CDS2: variants seen among roughly 807,000 people sequenced by gnomAD.
The protein encoded by CDS2 is phosphatidate cytidylyltransferase 2.
A neutral mutation model predicts 59.0 loss-of-function variants in CDS2; 47 were observed. The ratio of observed to expected loss-of-function variants is 0.80; its 90% CI spans 0.63 to 1.02. The LOEUF (loss-of-function observed/expected upper bound fraction) is 1.02. Among genes scored for constraint, CDS2 ranks in the 50% least tolerant of loss-of-function variants. CDS2 has a pLI of 0.00. For synonymous variants in CDS2, 207 were observed against 206.4 expected (o/e 1.00, Z -0.02); for missense variants, 356 against 558.9 (o/e 0.64, Z 3.66).
chr20:5,182,979 T>G, intron 6 of CDS2, 82 bp from the exon 7 acceptor site: 1 of 1,127,648 alleles, frequency 8.9e-7, no homozygotes, highest in Non-Finnish European at 1.3e-6. Context: ...TTCTCAGCAG[T>G]TTTCTATTTG....
intron 10 of CDS2, 27 bp downstream of exon 10, chr20:5,186,866 G>T (rs754123690): frequency 1.2e-6 from 2 of 1,612,906 alleles, no homozygotes; most frequent in Non-Finnish European, 1.7e-6. Flanking sequence ...GGGGGTGAGC[G>T]GCCTCCATGG....
intron 1 of CDS2, among the ~76,000 whole-genome samples, chr20:5,161,844 A>G (rs1042594177): frequency 3.3e-5 from 5 of 152,034 alleles, no homozygotes; most frequent in African/African-American, 7.3e-5. Context: ...TAACCACTCT[A>G]TTGGACGTAC....
At chr20:5,186,645 G>T in intron 9 of CDS2, 42 bp from the exon 10 acceptor site, 1 of 1,608,668 alleles carries the variant, frequency 6.2e-7, no homozygotes, top group South Asian at 1.1e-5. Flanking sequence ...CTGGATGGTT[G>T]GAACTTACTT....
intron 1 of CDS2, among the ~76,000 whole-genome samples, chr20:5,151,109 T>C (rs2090785716): frequency 6.6e-6 from 1 of 152,222 alleles, no homozygotes. Flanking sequence ...GGGAGGAATT[T>C]GTTGTGCAGC....
At chr20:5,186,565 A>T in intron 9 of CDS2, 122 bp from the exon 10 acceptor site, 1 of 851,066 alleles carries the variant, frequency 1.2e-6, no homozygotes, top group East Asian at 2.5e-5. Flanking sequence ...ACCTCTGAGC[A>T]CATAGCTCGC....
intron 1 of CDS2, among the ~76,000 whole-genome samples, chr20:5,127,450 C>T (rs2090563897): frequency 6.6e-6 from 1 of 152,210 alleles, no homozygotes; most frequent in South Asian, 2.1e-4. Flanking sequence ...GGGGACTCCC[C>T]TCTCCCCCAA....
rs372244723 is a variant in CDS2 at position 5,189,839 on chromosome 20, G to A, written c.1205+1G>A. 1 of 1,606,836 alleles carries A rather than the reference G, an allele frequency of 6.2e-7. No homozygotes were observed. Among genetic ancestry groups the A allele is most frequent in the Non-Finnish European group, 8.5e-7 (1 of 1,174,556 alleles). On this transcript the variant is annotated splice_donor_variant, in intron 12 of 12. Transcript: ENST00000460006. LOFTEE classifies it high-confidence loss of function. ...ATGTATACATCGCCAGTTTTATCAG[G>A]TATAGTACCTTTCCATCTGAACCAA...
intron 1 of CDS2, among the ~76,000 whole-genome samples, chr20:5,158,878 C>A (rs912941582): frequency 6.6e-6 from 1 of 152,134 alleles, no homozygotes; most frequent in African/African-American, 2.4e-5. Flanking sequence ...TCTGCTGATA[C>A]GTTAGGGGTT....
chr20:5,154,922 A>G (rs2038130716), intron 1 of CDS2, among the ~76,000 whole-genome samples: 1 of 152,256 alleles, frequency 6.6e-6, no homozygotes, highest in African/African-American at 2.4e-5. Context: ...TGCTGGGATT[A>G]CAGGCATGAG....
rs1318494861 is a variant in CDS2, at chr20:5,194,954, T to C, written c.*4720T>C. ...CAGAAAACAGCCTTTGATTAGGTATTGTTGTCTCCATTTTATAGATGAGGA... is the reference window on the plus strand; with the variant it reads ...CAGAAAACAGCCTTTGATTAGGTATCGTTGTCTCCATTTTATAGATGAGGA... On this transcript the variant is annotated 3_prime_UTR_variant, in exon 13 of 13. Transcript: ENST00000460006. The C allele has an allele frequency of 6.6e-6, 1 of 152,228 alleles. No individual in the cohort carries two copies. Among genetic ancestry groups the C allele is most frequent in the Admixed American group, 6.5e-5 (1 of 15,280 alleles). The allele number at this position is 152,228 out of a possible 1,614,324, so 9.4% of individuals were successfully genotyped here. A position where few individuals can be genotyped will look rare whatever the true frequency, so the allele number is the denominator to read the frequency against.
At chr20:5,175,569 C>T (rs1053715380) in intron 3 of CDS2, 6 of 268,746 alleles carry the variant, frequency 2.2e-5, no homozygotes, top group South Asian at 1.1e-4. Flanking sequence ...GGGCGGATCA[C>T]GAGGTCAGGA....
At chr20:5,136,215 G>C (rs2090648683) in intron 1 of CDS2, among the ~76,000 whole-genome samples, 1 of 152,126 alleles carries the variant, frequency 6.6e-6, no homozygotes, top group Admixed American at 6.5e-5. Context: ...ACATTCCTAG[G>C]TGCATGCCCT....
intron 5 of CDS2, among the ~76,000 whole-genome samples, chr20:5,179,510 A>ACACCATT (rs1490518818): frequency 6.6e-6 from 1 of 152,240 alleles, no homozygotes; most frequent in Non-Finnish European, 1.5e-5. Context: ...CCATTGAGGA[A>ACACCATT]CAGCACAGCA....
At chr20:5,155,290 C>T (rs1170402240) in intron 1 of CDS2, among the ~76,000 whole-genome samples, 1 of 152,186 alleles carries the variant, frequency 6.6e-6, no homozygotes, top group Non-Finnish European at 1.5e-5. Flanking sequence ...GCCGGCAAAG[C>T]CAGTATTGCA....
intron 5 of CDS2, 90 bp downstream of exon 5, chr20:5,179,046 C>T (rs1271975609): frequency 2.4e-6 from 3 of 1,269,138 alleles, no homozygotes; most frequent in South Asian, 1.3e-5. Flanking sequence ...GGTTAGTATA[C>T]AGTTTTGTGA....
intron 1 of CDS2, among the ~76,000 whole-genome samples, chr20:5,136,893 G>T (rs1199853383): frequency 2.0e-5 from 3 of 152,036 alleles, no homozygotes; most frequent in African/African-American, 7.3e-5. Context: ...TGTCACCTAG[G>T]TAGTGAGCAT....
intron 1 of CDS2, among the ~76,000 whole-genome samples, chr20:5,162,010 T>C (rs1206842890): frequency 1.3e-5 from 2 of 152,182 alleles, no homozygotes; most frequent in East Asian, 3.9e-4. Flanking sequence ...GCACATTGCC[T>C]TAGGCTGGGG....
Position 5,195,925 on chromosome 20 carries a change from C to G in CDS2, c.*5691C>G, listed in dbSNP as rs2091153911. On this transcript the variant is annotated 3_prime_UTR_variant, in exon 13 of 13. Transcript: ENST00000460006. ...GCACAGGACTTAATGAAAAGAGTTT[C>G]TTGAACTTAGTTTTCTGAATGGGGG... 1 of 152,062 alleles carries G rather than the reference C, an allele frequency of 6.6e-6. No individual in the cohort carries two copies. Among genetic ancestry groups the G allele is most frequent in the East Asian group, 1.9e-4 (1 of 5,166 alleles). 9.4% of individuals were successfully genotyped at this position (152,062 alleles called of 1,614,324 possible).
chr20:5,152,796 T>A (rs548399495), intron 1 of CDS2, among the ~76,000 whole-genome samples: 1 of 152,328 alleles, frequency 6.6e-6, no homozygotes, highest in Admixed American at 6.5e-5. Context: ...CTTTGCTTTA[T>A]TGATTGGTTT....
Sources: gnomAD v4.1 joint callset for allele counts (sites outside exome capture counted in the v4.1 genomes callset) on GRCh38, gnomAD v4.1.1 for gene constraint, MANE v1.5 for transcripts, NCBI Gene and HGNC (gene_info 2026-07-23, HGNC 2026-07-21) for gene names.